B4GALT1: variants seen among roughly 807,000 people sequenced by gnomAD.
B4GALT1 encodes beta-1,4-galactosyltransferase 1.
In B4GALT1, 16 loss-of-function variants were observed where a neutral mutation model predicts 34.9. The observed-to-expected ratio is 0.46, with a 90% CI of 0.31 to 0.70. The LOEUF (loss-of-function observed/expected upper bound fraction) is 0.70, where lower values mean the gene tolerates loss of function less well. B4GALT1 is among the 30% of genes least tolerant of loss of function. The pLI is 0.05. For missense variants in B4GALT1, 445 were observed against 530.5 expected, an observed-to-expected ratio of 0.84 and a Z score of 1.58; for synonymous variants, 221 against 218.1, an observed-to-expected ratio of 1.01 and a Z score of -0.12.
chr9:33,108,976 C>T (rs1839825195), downstream of B4GALT1, among the ~76,000 whole-genome samples: 1 of 151,564 alleles, frequency 6.6e-6, no homozygotes, highest in Non-Finnish European at 1.5e-5. Context: ...GGTGCTTGAC[C>T]CTGGTTCCTG....
At chr9:33,176,009 T>C in the B4GALT1 span, among the ~76,000 whole-genome samples, 1 of 152,168 alleles carries the variant, frequency 6.6e-6, no homozygotes, top group Non-Finnish European at 1.5e-5. Context: ...CCATTTAGAA[T>C]AGGAGATTAA....
At position 33,135,377 on chromosome 9, in the gene B4GALT1, C is replaced by T. The variant is rs750518389; in HGVS notation, c.460G>A (p.Val154Met). 6.8e-6 allele frequency: 11 copies of T among 1,614,164 alleles called. No homozygotes were observed. In the South Asian group the frequency reaches 8.8e-5, roughly 13 times the overall value. The change falls in exon 2 of 6, where the codon GTG becomes ATG. Residue 154 changes from valine (V) to methionine (M), a missense_variant. Transcript: ENST00000379731. The part of the protein sequence containing the change: ...EFNMPVDLEL[V>M]AKQNPNVKMG... ...TTCACATTTGGGTTCTGCTTTGCCA[C>T]GAGCTCCAGGTCCACAGGCATGTTA...
chr9:33,146,949 C>A (rs1008142591), intron 1 of B4GALT1, among the ~76,000 whole-genome samples: 3 of 152,180 alleles, frequency 2.0e-5, no homozygotes, highest in Admixed American at 6.5e-5. Flanking sequence ...GATCCACCCG[C>A]CTCAGCCTCC....
rs138905953 is a variant in B4GALT1 at position 33,127,744 on chromosome 9, T to A, written c.649-7138A>T. The stretch of plus-strand genomic sequence containing the variant: ...TGATGATGAAGACTATGAAATAACA[T>A]GGGAAGATGCTGATGATAAAGAATT... On this transcript the variant is annotated intron_variant, in intron 2 of 5. Coordinates refer to ENST00000379731, the MANE Select transcript of B4GALT1 (RefSeq NM_001497.4). Among the ~76,000 whole-genome samples, 9 of 152,340 alleles carry A rather than the reference T, an allele frequency of 5.9e-5. No individual in the cohort carries two copies. In the East Asian group the frequency reaches 1.7e-3, roughly 29 times the overall value.
chr9:33,127,874 T>C (rs560147281), intron 2 of B4GALT1, among the ~76,000 whole-genome samples: 14 of 152,364 alleles, frequency 9.2e-5, no homozygotes, highest in Admixed American at 4.6e-4. Context: ...ACGGGCTGGC[T>C]TCCAGCAACC....
At chr9:33,119,923 G>C (rs528736640) in intron 3 of B4GALT1, among the ~76,000 whole-genome samples, 1 of 152,292 alleles carries the variant, frequency 6.6e-6, no homozygotes, top group Non-Finnish European at 1.5e-5. Flanking sequence ...GGTGCCACAT[G>C]CCTATAATCC....
At chr9:33,184,143 A>G in the B4GALT1 span, among the ~76,000 whole-genome samples, 4 of 152,130 alleles carry the variant, frequency 2.6e-5, no homozygotes, top group Non-Finnish European at 5.9e-5. Context: ...CATCCTGCAC[A>G]TGTATCCCAG....
At chr9:33,132,849 T>G (rs1010882233) in intron 2 of B4GALT1, among the ~76,000 whole-genome samples, 1 of 152,238 alleles carries the variant, frequency 6.6e-6, no homozygotes, top group African/African-American at 2.4e-5. Context: ...AAATTCAGCA[T>G]CATCGCTAAC....
intron 1 of B4GALT1, among the ~76,000 whole-genome samples, chr9:33,162,454 T>C (rs1840688350): frequency 6.6e-6 from 1 of 152,196 alleles, no homozygotes; most frequent in African/African-American, 2.4e-5. Flanking sequence ...ACAGGAACAC[T>C]GCTGGAACTG....
the B4GALT1 span, among the ~76,000 whole-genome samples, chr9:33,176,342 G>A: frequency 3.1e-4 from 47 of 152,228 alleles, no homozygotes; most frequent in Non-Finnish European, 3.8e-4. Context: ...TGGACTTTCC[G>A]TTAATTTTAT....
chr9:33,181,739 A>T, the B4GALT1 span, among the ~76,000 whole-genome samples: 12 of 152,158 alleles, frequency 7.9e-5, no homozygotes, highest in Non-Finnish European at 4.4e-5. Context: ...TTCTCCCAGG[A>T]CTTCTGCTGC....
downstream of B4GALT1, among the ~76,000 whole-genome samples, chr9:33,110,189 G>T (rs1175870636): frequency 4.6e-5 from 7 of 152,218 alleles, no homozygotes; most frequent in Admixed American, 3.9e-4. Flanking sequence ...TAAAAACTAA[G>T]ACCTTTTAGA....
At chr9:33,131,404 C>T (rs1322695823) in intron 2 of B4GALT1, among the ~76,000 whole-genome samples, 1 of 152,156 alleles carries the variant, frequency 6.6e-6, no homozygotes, top group East Asian at 1.9e-4. Context: ...GGACATGGCC[C>T]CTACTTCAAG....
chr9:33,153,012 A>T (rs1227925749), intron 1 of B4GALT1, among the ~76,000 whole-genome samples: 1 of 152,240 alleles, frequency 6.6e-6, no homozygotes, highest in Non-Finnish European at 1.5e-5. Flanking sequence ...CAGCCTGGGC[A>T]ACATGGCAAA....
At chr9:33,126,662 A>ATTGTTAACATTGTTAACTATTGTTAACT in intron 2 of B4GALT1, among the ~76,000 whole-genome samples, 1 of 45,224 alleles carries the variant, frequency 2.2e-5, no homozygotes, top group Non-Finnish European at 5.9e-5. Context: ...TAACCATAGC[A>ATTGTTAACATTGTTAACTATTGTTAACT]ATATGGTAGC....
the B4GALT1 span, among the ~76,000 whole-genome samples, chr9:33,181,613 C>A: frequency 6.6e-6 from 1 of 152,194 alleles, no homozygotes; most frequent in African/African-American, 2.4e-5. Flanking sequence ...TACGGGGTCG[C>A]TATGGCCTGG....
At chr9:33,165,566 A>G (rs886279125) in intron 1 of B4GALT1, among the ~76,000 whole-genome samples, 1 of 152,250 alleles carries the variant, frequency 6.6e-6, no homozygotes, top group African/African-American at 2.4e-5. Context: ...TGATATGAAC[A>G]CATTGACGCA....
the B4GALT1 span, among the ~76,000 whole-genome samples, chr9:33,182,951 C>T: frequency 6.6e-6 from 1 of 152,062 alleles, no homozygotes; most frequent in Admixed American, 6.6e-5. Context: ...TCATCTATAC[C>T]CCCAACTTCC....
chr9:33,121,690 T>C (rs760425731), intron 2 of B4GALT1, among the ~76,000 whole-genome samples: 1 of 152,124 alleles, frequency 6.6e-6, no homozygotes, highest in Non-Finnish European at 1.5e-5. Flanking sequence ...GTAAGCTCAA[T>C]GAAGGTTAGG....
Sources: gnomAD v4.1 joint callset for allele counts (sites outside exome capture counted in the v4.1 genomes callset) on GRCh38, gnomAD v4.1.1 for gene constraint, MANE v1.5 for transcripts, NCBI Gene and HGNC (gene_info 2026-07-23, HGNC 2026-07-21) for gene names.